The following TPST1 variants were observed in gnomAD, a reference collection of about 807,000 sequenced individuals.
The protein encoded by TPST1 is protein-tyrosine sulfotransferase 1.
In TPST1, 20 loss-of-function variants were observed where a neutral mutation model predicts 34.8. That is an observed-to-expected ratio of 0.57 (90% CI 0.40 to 0.84). The LOEUF (loss-of-function observed/expected upper bound fraction) is 0.84, where lower values mean the gene tolerates loss of function less well. Ranked by LOEUF, TPST1 falls within the 40% of genes least tolerant of loss-of-function variation. TPST1 has a pLI of 0.00. For missense variants in TPST1, 353 were observed against 455.5 expected (o/e 0.78, Z 2.05); for synonymous variants, 152 against 159.4 (o/e 0.95, Z 0.35).
chr7:66,201,649 C>A (rs541948975), upstream of TPST1, among the ~76,000 whole-genome samples: 1 of 151,936 alleles, frequency 6.6e-6, no homozygotes, highest in East Asian at 1.9e-4. Context: ...CGATATCATG[C>A]CACTGCACAC....
chr7:66,211,781 C>T (rs1396583422), intron 1 of TPST1, among the ~76,000 whole-genome samples: 2 of 152,176 alleles, frequency 1.3e-5, no homozygotes, highest in African/African-American at 2.4e-5. Flanking sequence ...TCCTGGTCAA[C>T]GTGGTGAAAC....
chr7:66,200,944 T>G (rs1318571987), upstream of TPST1, among the ~76,000 whole-genome samples: 2 of 151,792 alleles, frequency 1.3e-5, no homozygotes, highest in East Asian at 1.9e-4. Context: ...ACCAGGCTGG[T>G]CTCGAACTAC....
chr7:66,273,387 A>T (rs1194210007), intron 2 of TPST1, among the ~76,000 whole-genome samples: 1 of 152,248 alleles, frequency 6.6e-6, no homozygotes, highest in Non-Finnish European at 1.5e-5. Context: ...ATCCCTATCA[A>T]AATTTCAATG....
chr7:66,251,203 G>GT (rs1790255275), intron 2 of TPST1, among the ~76,000 whole-genome samples: 1 of 152,048 alleles, frequency 6.6e-6, no homozygotes, highest in African/African-American at 2.4e-5. Context: ...CAAGTGCCTG[G>GT]TATATAATGA....
At chr7:66,264,231 A>G (rs1184933540) in intron 2 of TPST1, among the ~76,000 whole-genome samples, 1 of 152,172 alleles carries the variant, frequency 6.6e-6, no homozygotes, top group Non-Finnish European at 1.5e-5. Context: ...AGAAATAACA[A>G]TGGGGGCAAA....
chr7:66,234,434 C>CACACACACACACACAG (rs1789868212), intron 1 of TPST1, among the ~76,000 whole-genome samples: 2 of 140,228 alleles, frequency 1.4e-5, no homozygotes, highest in Admixed American at 7.1e-5. Flanking sequence ...CACACACAGA[C>CACACACACACACACAG]ACACACACAC....
chr7:66,349,117 G>A (rs959003414), intron 3 of TPST1, among the ~76,000 whole-genome samples: 2 of 152,166 alleles, frequency 1.3e-5, no homozygotes, highest in African/African-American at 4.8e-5. Context: ...CAATGAGTGT[G>A]GTTTAATGGA....
chr7:66,235,160 T>C (rs1188402500), intron 1 of TPST1, among the ~76,000 whole-genome samples: 1 of 151,548 alleles, frequency 6.6e-6, no homozygotes, highest in Non-Finnish European at 1.5e-5. Context: ...TCTTTTAACA[T>C]AATGGATGCA....
chr7:66,357,373 C>T (rs778732), intron 5 of TPST1, among the ~76,000 whole-genome samples: 16,271 of 152,254 alleles, frequency 0.11, 1,061 homozygotes, highest in Middle Eastern at 0.21. Context: ...TGGCTTTCTT[C>T]GTGTGCTGGA....
chr7:66,328,880 CTCTCTCTA>C (rs1316866754), intron 3 of TPST1, among the ~76,000 whole-genome samples: 620 of 30,800 alleles, frequency 0.02, 7 homozygotes, highest in East Asian at 0.029. Context: ...CTCTCTCTCT[CTCTCTCTA>C]TATATATATA....
chr7:66,351,953 A>G (rs1792488143), intron 3 of TPST1, among the ~76,000 whole-genome samples: 1 of 152,186 alleles, frequency 6.6e-6, no homozygotes, highest in Non-Finnish European at 1.5e-5. Flanking sequence ...AAACATTTTT[A>G]TATATTAAAG....
chr7:66,234,104 C>T (rs1789855499), intron 1 of TPST1, among the ~76,000 whole-genome samples: 3 of 152,044 alleles, frequency 2.0e-5, no homozygotes, highest in Admixed American at 6.6e-5. Flanking sequence ...GTGATCCACC[C>T]GCCTTGACCT....
chr7:66,314,052 A>C (rs1466989131), intron 3 of TPST1, among the ~76,000 whole-genome samples: 1 of 151,812 alleles, frequency 6.6e-6, no homozygotes, highest in Non-Finnish European at 1.5e-5. Context: ...TTTCCTCTTG[A>C]TTATTATTCG....
At chr7:66,255,216 T>A (rs964921949) in intron 2 of TPST1, among the ~76,000 whole-genome samples, 1 of 151,546 alleles carries the variant, frequency 6.6e-6, no homozygotes, top group Admixed American at 6.6e-5. Flanking sequence ...TTTGGCAATG[T>A]CTGGAGACTT....
At position 66,337,339 on chromosome 7, in the gene TPST1, G is replaced by T. The variant is rs996153029; in HGVS notation, c.1045-15166G>T. Among the ~76,000 whole-genome samples, 32 of 123,282 alleles carry T rather than the reference G, an allele frequency of 2.6e-4. No individual in the cohort carries two copies. In the Admixed American group the frequency reaches 3.3e-3, roughly 13 times the overall value. The allele number at this position is 123,282 out of a possible 152,430, so 80.9% of individuals were successfully genotyped here. A position where few individuals can be genotyped will look rare whatever the true frequency, so the allele number is the denominator to read the frequency against. On this transcript the variant is annotated intron_variant, in intron 3 of 5. Coordinates refer to ENST00000304842, the MANE Select transcript of TPST1 (RefSeq NM_003596.4). ...TTTTTTTTTTTTAAGACAGAGCCTC[G>T]CTCTGTCACTCAAGCTGGAGAGTGC... is the stretch of plus-strand genomic sequence containing the variant.
At chr7:66,330,393 C>T (rs1251282052) in intron 3 of TPST1, among the ~76,000 whole-genome samples, 1 of 152,136 alleles carries the variant, frequency 6.6e-6, no homozygotes, top group African/African-American at 2.4e-5. Flanking sequence ...TTTTCACATC[C>T]ACTTTCAAAA....
In TPST1 at chr7:66,240,958, A is replaced by G. The variant is rs777930990; in HGVS notation, c.533A>G (p.Lys178Arg). Residue 178 changes from lysine (K) to arginine (R), a missense_variant, in exon 2 of 6, where the codon AAA becomes AGA. Lys to Arg is a conservative substitution (Grantham distance 26, BLOSUM62 2). Coordinates refer to ENST00000304842, the MANE Select transcript of TPST1 (RefSeq NM_003596.4). ...CTTTCTAGGTTATTCCCCAATGCCA[A>G]ATTTCTCCTGATGGTCCGAGATGGC... Reference protein sequence around the residue: ...TYLSRLFPNAKFLLMVRDGRA... With the variant: ...TYLSRLFPNARFLLMVRDGRA... 3 of 1,614,182 alleles carry G rather than the reference A, an allele frequency of 1.9e-6. No individual in the cohort carries two copies. The highest frequency in any genetic ancestry group is 1.1e-5 in the South Asian group (1 of 91,084).
intron 1 of TPST1, among the ~76,000 whole-genome samples, chr7:66,207,297 T>G (rs950415521): frequency 6.6e-6 from 1 of 152,102 alleles, no homozygotes; most frequent in African/African-American, 2.4e-5. Flanking sequence ...CTTCTCTTCA[T>G]TGCTTATTTT....
rs754222451 is a variant in TPST1, at chr7:66,332,270, C to CT, written c.1045-20221dup. On this transcript the variant is annotated intron_variant, in intron 3 of 5. Coordinates refer to ENST00000304842, the MANE Select transcript of TPST1 (RefSeq NM_003596.4). This position sits in a 1 kb window ranked among gnomAD's most constrained non-coding sequence, Gnocchi z 4.5. ...GTTGCACTGAGACTTTTGTTTACAT[C>CT]TTTTTTTTTTTTTTGAGATGAGAGT... 0.017 allele frequency among the ~76,000 whole-genome samples: 2,364 copies of CT among 142,798 alleles called. 62 individuals are homozygous for CT. The highest frequency in any genetic ancestry group is 0.095 in the East Asian group (467 of 4,916). 93.7% of individuals were successfully genotyped at this position (142,798 alleles called of 152,430 possible).
Sources: allele counts gnomAD v4.1 joint callset (sites outside exome capture counted in the v4.1 genomes callset), GRCh38; gene constraint gnomAD v4.1.1; non-coding constraint Gnocchi (gnomAD v3.1); transcripts MANE v1.5; gene names NCBI Gene and HGNC (gene_info 2026-07-23, HGNC 2026-07-21).